The following KAZN variants were observed in gnomAD, a reference collection of about 807,000 sequenced individuals.
The protein encoded by KAZN is kazrin.
In KAZN, 40 loss-of-function variants were observed where a neutral mutation model predicts 87.4. The ratio of observed to expected loss-of-function variants is 0.46; its 90% CI spans 0.36 to 0.60. KAZN has a LOEUF of 0.60. Among genes scored for constraint, KAZN ranks in the 20% least tolerant of loss-of-function variants. The pLI, the probability that KAZN is intolerant of heterozygous loss-of-function variation, is 0.00. For missense variants in KAZN, 898 were observed against 1,073.9 expected (o/e 0.84, Z 2.29); for synonymous variants, 466 against 458.3 (o/e 1.02, Z -0.22).
chr1:14,395,969 C>A (rs548185418), intron 2 of KAZN, among the ~76,000 whole-genome samples: 1 of 151,900 alleles, frequency 6.6e-6, no homozygotes, highest in Non-Finnish European at 1.5e-5. Context: ...ACGCTCGAGA[C>A]CAGCCTGACC....
At chr1:14,913,830 T>C (rs1450480113) in intron 1 of KAZN, among the ~76,000 whole-genome samples, 6 of 152,090 alleles carry the variant, frequency 3.9e-5, no homozygotes, top group Non-Finnish European at 7.4e-5. Flanking sequence ...CCCATAATTA[T>C]GGGGAAAGCA....
chr1:14,232,553 T>C (rs1030182994), intron 2 of KAZN, among the ~76,000 whole-genome samples: 2 of 152,144 alleles, frequency 1.3e-5, no homozygotes, highest in Non-Finnish European at 2.9e-5. Flanking sequence ...TCACTTTGCC[T>C]TCTCTTAAGA....
At chr1:14,174,361 G>A (rs556004206) in intron 1 of KAZN, among the ~76,000 whole-genome samples, 7 of 152,304 alleles carry the variant, frequency 4.6e-5, no homozygotes, top group Admixed American at 1.3e-4. Flanking sequence ...ATGTGTCAAC[G>A]TGATGTTGCT....
At chr1:14,981,592 CAG>C (rs1417746816) in intron 2 of KAZN, among the ~76,000 whole-genome samples, 2 of 152,240 alleles carry the variant, frequency 1.3e-5, no homozygotes, top group Admixed American at 6.5e-5. Flanking sequence ...GCTGCGGAAG[CAG>C]AGAGATGCCT....
chr1:13,946,007 G>A (rs954654010), intron 1 of KAZN, among the ~76,000 whole-genome samples: 4 of 152,206 alleles, frequency 2.6e-5, no homozygotes, highest in Non-Finnish European at 5.9e-5. Flanking sequence ...ACTGCCAGAT[G>A]GCAGTGGTTA....
intron 1 of KAZN, among the ~76,000 whole-genome samples, chr1:14,106,193 G>T (rs181992336): frequency 8.0e-4 from 122 of 152,284 alleles, no homozygotes; most frequent in Middle Eastern, 6.8e-3. Flanking sequence ...GAAATCCAAG[G>T]TGTATCTGAG....
intron 2 of KAZN, among the ~76,000 whole-genome samples, chr1:14,520,271 T>C (rs937986844): frequency 2.0e-5 from 3 of 151,962 alleles, no homozygotes; most frequent in African/African-American, 7.3e-5. Context: ...TGACCACACA[T>C]GGCCACAGGA....
chr1:14,865,039 C>T (rs530992579), intron 1 of KAZN, among the ~76,000 whole-genome samples: 1 of 152,174 alleles, frequency 6.6e-6, no homozygotes, highest in African/African-American at 2.4e-5. Context: ...GGTACCATCT[C>T]CTCAATGAGA....
At chr1:14,918,710 ATATATATAT>A (rs1658168337) in intron 1 of KAZN, among the ~76,000 whole-genome samples, 1 of 3,812 alleles carries the variant, frequency 2.6e-4, no homozygotes, top group Admixed American at 5.1e-3. Context: ...AAAAAAAAAT[ATATATATAT>A]ATATATATAT....
intron 1 of KAZN, among the ~76,000 whole-genome samples, chr1:13,978,044 C>T (rs1465736698): frequency 6.5e-5 from 9 of 138,374 alleles, no homozygotes; most frequent in Non-Finnish European, 1.4e-4. Context: ...AGCAGAATGG[C>T]GTGAACCTGG....
chr1:14,231,222 A>C (rs1284195930), intron 2 of KAZN, among the ~76,000 whole-genome samples: 1 of 152,238 alleles, frequency 6.6e-6, no homozygotes, highest in Non-Finnish European at 1.5e-5. Context: ...AAAGCCAATG[A>C]GATGACTGTC....
At chr1:14,424,721 C>G (rs930699215) in intron 2 of KAZN, among the ~76,000 whole-genome samples, 1 of 152,200 alleles carries the variant, frequency 6.6e-6, no homozygotes, top group African/African-American at 2.4e-5. Flanking sequence ...CATCTAACTA[C>G]GCTTCAACAG....
chr1:14,346,563 C>T (rs1370749894), intron 2 of KAZN, among the ~76,000 whole-genome samples: 1 of 152,064 alleles, frequency 6.6e-6, no homozygotes, highest in Non-Finnish European at 1.5e-5. Flanking sequence ...TTCTTTCTTC[C>T]TTGGGTTGAA....
rs879905802 is a variant in KAZN at position 14,917,869 on chromosome 1, C to CCTTCCTTT, written c.227-42812_227-42811insCCTTTCTT. The stretch of plus-strand genomic sequence containing the variant: ...TTCTTTCTTCCTTCCTTCCTTCCTT[C>CCTTCCTTT]CTTTCTTTCTTTCTTTCTTTCTTTT... On this transcript the variant is annotated intron_variant, in intron 1 of 14. Coordinates refer to ENST00000376030, the MANE Select transcript of KAZN (RefSeq NM_201628.3). Among the ~76,000 whole-genome samples the CCTTCCTTT allele has an allele frequency of 4.9e-3, 721 of 147,462 alleles. 1 individual carries two copies. Among genetic ancestry groups the CCTTCCTTT allele is most frequent in the Non-Finnish European group, 6.2e-3 (416 of 67,582 alleles).
chr1:14,487,123 C>T (rs1190172629), intron 2 of KAZN, among the ~76,000 whole-genome samples: 1 of 152,202 alleles, frequency 6.6e-6, no homozygotes, highest in Non-Finnish European at 1.5e-5. Flanking sequence ...AACAGGGTTG[C>T]ACTTTTCTTT....
At chr1:14,849,938 C>T (rs1390657095) in intron 1 of KAZN, among the ~76,000 whole-genome samples, 15 of 143,308 alleles carry the variant, frequency 1.0e-4, no homozygotes, top group Admixed American at 6.3e-4. Context: ...TCTACCCCCC[C>T]TTTTTTTTTT....
At chr1:14,412,294 CTA>C (rs1389976010) in intron 2 of KAZN, among the ~76,000 whole-genome samples, 1 of 152,164 alleles carries the variant, frequency 6.6e-6, no homozygotes. Flanking sequence ...TCTATATGCT[CTA>C]TGCTTTTATA....
chr1:14,415,757 CTTCCCTGACT>C (rs907614401), intron 2 of KAZN, among the ~76,000 whole-genome samples: 47 of 152,166 alleles, frequency 3.1e-4, no homozygotes, highest in African/African-American at 1.1e-3. Context: ...CTTCCCTTCC[CTTCCCTGACT>C]CCCTTCCCTA....
In KAZN at chr1:14,541,380, A is replaced by G. The variant is rs188812497; in HGVS notation, c.250-57603A>G. On this transcript the variant is annotated intron_variant, in intron 2 of 16. Coordinates refer to the KAZN transcript ENST00000636203. Reference sequence around the variant, plus strand: ...AATAAGTTCTTTCCTGGGGCATGTGAATATGTGTTCTTCCCATTTTTATTA... The same window carrying G: ...AATAAGTTCTTTCCTGGGGCATGTGGATATGTGTTCTTCCCATTTTTATTA... 4.6e-5 allele frequency among the ~76,000 whole-genome samples: 7 copies of G among 152,338 alleles called. No homozygotes were observed. In the East Asian group the frequency reaches 1.3e-3, roughly 29 times the overall value.
Sources: allele counts gnomAD v4.1 joint callset (sites outside exome capture counted in the v4.1 genomes callset), GRCh38; gene constraint gnomAD v4.1.1; transcripts MANE v1.5; gene names NCBI Gene and HGNC (gene_info 2026-07-23, HGNC 2026-07-21).